The following DACH2 variants were observed in gnomAD, a reference collection of about 807,000 sequenced individuals.
The protein encoded by DACH2 is dachshund homolog 2.
Under a neutral mutation model 35.8 loss-of-function variants are expected in DACH2, and 17 were observed. The observed-to-expected ratio is 0.48, with a 90% CI of 0.33 to 0.71. The LOEUF is 0.71. Ranked by LOEUF, DACH2 falls within the 30% of genes least tolerant of loss-of-function variation. The pLI is 0.02. For synonymous variants in DACH2, 195 were observed against 177.3 expected (o/e 1.10, Z -0.79); for missense variants, 469 against 472.7 (o/e 0.99, Z 0.07).
intron 2 of DACH2, among the ~76,000 whole-genome samples, chrX:86,425,474 C>G (rs745937969): frequency 9.0e-6 from 1 of 110,735 alleles, no homozygotes; most frequent in African/African-American, 3.3e-5. Flanking sequence ...CATATAATTG[C>G]TCATAACAGC....
At chrX:86,311,001 G>A (rs777345744) in intron 1 of DACH2, among the ~76,000 whole-genome samples, 1 of 111,423 alleles carries the variant, frequency 9.0e-6, no homozygotes, top group Non-Finnish European at 1.9e-5. Flanking sequence ...ACTCACCAGG[G>A]CTGACCTTGC....
intron 5 of DACH2, among the ~76,000 whole-genome samples, chrX:86,699,366 A>T (rs1437222976): frequency 8.9e-6 from 1 of 112,190 alleles, no homozygotes; most frequent in African/African-American, 3.2e-5. Flanking sequence ...AAAGAAAGAG[A>T]TTTACTGGAC....
chrX:86,597,271 G>A (rs1047002245), intron 3 of DACH2, among the ~76,000 whole-genome samples: 1 of 111,824 alleles, frequency 8.9e-6, no homozygotes, highest in Non-Finnish European at 1.9e-5. Flanking sequence ...AACACAGGAT[G>A]TCTTTCTGTC....
At chrX:86,275,686 C>T (rs2033903840) in intron 1 of DACH2, among the ~76,000 whole-genome samples, 1 of 111,741 alleles carries the variant, frequency 8.9e-6, no homozygotes, top group Non-Finnish European at 1.9e-5. Flanking sequence ...ACTGTCCCCA[C>T]CTCCCCCTTA....
At chrX:86,670,089 G>T (rs1307664775) in intron 4 of DACH2, among the ~76,000 whole-genome samples, 2 of 111,275 alleles carry the variant, frequency 1.8e-5, no homozygotes, top group Non-Finnish European at 3.8e-5. Flanking sequence ...GAGTCTAGCT[G>T]CTTCATTATG....
intron 4 of DACH2, among the ~76,000 whole-genome samples, chrX:86,682,772 A>G (rs773380519): frequency 9.0e-6 from 1 of 111,151 alleles, no homozygotes; most frequent in Non-Finnish European, 1.9e-5. Context: ...TCAAATCTAT[A>G]CTTGCTATGT....
chrX:86,349,879 G>A (rs1194054510), intron 1 of DACH2, among the ~76,000 whole-genome samples: 3 of 111,402 alleles, frequency 2.7e-5, no homozygotes, highest in Non-Finnish European at 5.7e-5. Context: ...ACTACAGTTA[G>A]TTCAGGCCAG....
intron 1 of DACH2, among the ~76,000 whole-genome samples, chrX:86,366,511 T>G (rs1285478918): frequency 9.0e-6 from 1 of 111,512 alleles, no homozygotes; most frequent in Non-Finnish European, 1.9e-5. Flanking sequence ...GAATGCATGG[T>G]CATAGCAAAG....
chrX:86,185,261 A>G (rs771940351), intron 1 of DACH2, among the ~76,000 whole-genome samples: 13 of 111,974 alleles, frequency 1.2e-4, no homozygotes, highest in Non-Finnish European at 2.3e-4. Context: ...AATCTTGTAA[A>G]TGATCCAGTG....
chrX:86,831,018 G>A (rs1475970030), intron 11 of DACH2: 1 of 111,088 alleles, frequency 9.0e-6, no homozygotes, highest in Non-Finnish European at 1.9e-5. Flanking sequence ...GCCCTCTGAT[G>A]AAGTCCAACC....
chrX:86,690,417 A>G lies in DACH2; in HGVS notation c.773-4604A>G, dbSNP rs905038114. 4.5e-5 allele frequency among the ~76,000 whole-genome samples: 5 copies of G among 111,730 alleles called. No individual in the cohort carries two copies. The Admixed American group carries it at 4.8e-4, about 11-fold the overall frequency. The stretch of plus-strand genomic sequence containing the variant: ...TAAAATACTGCTTTGGGTCCCACCC[A>G]TAATATGCTCCTGCTCCTTTTTCAA... On this transcript the variant is annotated intron_variant, in intron 4 of 11. Transcript: ENST00000373125.
At chrX:86,196,641 C>T (rs146304255) in intron 1 of DACH2, among the ~76,000 whole-genome samples, 2,915 of 85,919 alleles carry the variant, frequency 0.034, 133 homozygotes, top group African/African-American at 0.13. Flanking sequence ...TGCAGTGAGC[C>T]GAGATCACAC....
At chrX:86,540,754 G>A (rs1409795008) in intron 3 of DACH2, among the ~76,000 whole-genome samples, 1 of 111,495 alleles carries the variant, frequency 9.0e-6, no homozygotes, top group Admixed American at 9.5e-5. Context: ...AATTTTTAGT[G>A]CTATGATTGC....
At chrX:86,449,237 TC>T (rs2037321202) in intron 2 of DACH2, among the ~76,000 whole-genome samples, 1 of 70,333 alleles carries the variant, frequency 1.4e-5, no homozygotes, top group Non-Finnish European at 2.7e-5. Flanking sequence ...GTTGATCCTT[TC>T]AAAAAACCAG....
intron 3 of DACH2, among the ~76,000 whole-genome samples, chrX:86,582,238 G>A (rs1262487907): frequency 9.0e-6 from 1 of 110,959 alleles, no homozygotes; most frequent in African/African-American, 3.3e-5. Context: ...AGCACTAAAT[G>A]CCCACATCAA....
At chrX:86,414,372 T>G in intron 2 of DACH2, among the ~76,000 whole-genome samples, 1 of 111,725 alleles carries the variant, frequency 9.0e-6, no homozygotes, top group Admixed American at 9.5e-5. Flanking sequence ...GCCTCTGCTG[T>G]CCATTATGGT....
chrX:86,787,306 T>A (rs902041357), intron 7 of DACH2, among the ~76,000 whole-genome samples: 2 of 111,962 alleles, frequency 1.8e-5, no homozygotes, highest in Non-Finnish European at 3.8e-5. Context: ...AGATCCAGTT[T>A]ACTCTCTCAG....
intron 1 of DACH2, among the ~76,000 whole-genome samples, chrX:86,310,245 C>G (rs1265081525): frequency 8.9e-6 from 1 of 111,927 alleles, no homozygotes; most frequent in Non-Finnish European, 1.9e-5. Flanking sequence ...ATGCACAGCA[C>G]CATTCCATCA....
At chrX:86,483,647 A>G (rs1212733177) in intron 2 of DACH2, among the ~76,000 whole-genome samples, 1 of 110,646 alleles carries the variant, frequency 9.0e-6, no homozygotes, top group Non-Finnish European at 1.9e-5. Flanking sequence ...AGCCTGGGCA[A>G]CACGATGAAA....
Sources: gnomAD v4.1 joint callset for allele counts (sites outside exome capture counted in the v4.1 genomes callset) on GRCh38, gnomAD v4.1.1 for gene constraint, MANE v1.5 for transcripts, NCBI Gene and HGNC (gene_info 2026-07-23, HGNC 2026-07-21) for gene names.